MCTP1: variants seen among roughly 807,000 people sequenced by gnomAD.
MCTP1 encodes multiple C2 and transmembrane domain containing 1, also known as multiple C2 and transmembrane domain-containing protein 1.
A neutral mutation model predicts 120.6 loss-of-function variants in MCTP1; 69 were observed. The ratio of observed to expected loss-of-function variants is 0.57; its 90% confidence interval spans 0.47 to 0.70. The LOEUF is 0.70. Among genes scored for constraint, MCTP1 ranks in the 30% least tolerant of loss-of-function variants. The pLI, the probability that MCTP1 is intolerant of heterozygous loss-of-function variation, is 0.00. For missense variants in MCTP1, 1,203 were observed against 1,248.8 expected (o/e 0.96, Z 0.55); for synonymous variants, 529 against 493.1 (o/e 1.07, Z -0.96).
chr5:95,040,303 T>G (rs1842116410), intron 1 of MCTP1, among the ~76,000 whole-genome samples: 1 of 152,064 alleles, frequency 6.6e-6, no homozygotes, highest in African/African-American at 2.4e-5. Context: ...CCAGGCATGG[T>G]GGTTCACACT....
rs532779629 is a variant in MCTP1, at chr5:94,885,504, G to A, written c.1933+3375C>T. Among the ~76,000 whole-genome samples, 12 of 152,206 alleles carry A rather than the reference G, an allele frequency of 7.9e-5. No homozygotes were observed. The South Asian group carries it at 1.2e-3, about 16-fold the overall frequency. Reference sequence around the variant, plus strand: ...TCTGTTGAGGCAAAAATTAGGCCCTGCTCAAGGGAAAGAATAATCATAAGC... The same window carrying A: ...TCTGTTGAGGCAAAAATTAGGCCCTACTCAAGGGAAAGAATAATCATAAGC... On this transcript the variant is annotated intron_variant, in intron 12 of 22. Transcript: ENST00000515393.
intron 1 of MCTP1, among the ~76,000 whole-genome samples, chr5:95,135,622 T>A (rs1166154373): frequency 6.6e-6 from 1 of 152,202 alleles, no homozygotes; most frequent in African/African-American, 2.4e-5. Context: ...CCAGCCTACA[T>A]CTTTCTCCCG....
intron 1 of MCTP1, among the ~76,000 whole-genome samples, chr5:95,132,035 T>C (rs983618196): frequency 6.6e-6 from 1 of 152,242 alleles, no homozygotes; most frequent in Non-Finnish European, 1.5e-5. Flanking sequence ...ATAACCATCA[T>C]TTTTCAATGT....
chr5:95,120,700 C>T (rs1758158671), intron 1 of MCTP1, among the ~76,000 whole-genome samples: 1 of 152,022 alleles, frequency 6.6e-6, no homozygotes, highest in Non-Finnish European at 1.5e-5. Flanking sequence ...TAATAAAAGC[C>T]ATATACATCA....
At position 94,912,886 on chromosome 5, in the gene MCTP1, C is replaced by A; in HGVS notation, c.1441G>T (p.Asp481Tyr). 1.2e-6 allele frequency: 2 copies of A among 1,600,954 alleles called. No homozygotes were observed. The highest frequency in any genetic ancestry group is 1.7e-6 in the Non-Finnish European group (2 of 1,174,460). Residue 481 changes from aspartate to tyrosine, a missense_variant, in exon 9 of 23, where the codon GAC (aspartate) becomes TAC (tyrosine). Coordinates refer to ENST00000515393, the MANE Select transcript of MCTP1 (RefSeq NM_024717.7). ...IVSITLIEGR[D>Y]LKAMDSNGLS... ...CCGTTGGAATCCATGGCCTTGAGGT[C>A]TCTCCCTTCAATCAAGGTGATGCTG...
Position 95,153,496 on chromosome 5 carries a change from AAACTGTGCCCAG to A in MCTP1, c.720+130348_720+130359del, listed in dbSNP as rs1251987647. 2.0e-5 allele frequency among the ~76,000 whole-genome samples: 3 copies of A among 152,362 alleles called. No individual in the cohort carries two copies. In the East Asian group the frequency reaches 5.8e-4, roughly 29 times the overall value. ...AGGCCCAGCAGGCCAAACACACAATAAACTGTGCCCAGGACAGCAGCCTTAAGAACATGGTCC... is the reference window on the plus strand; with the variant it reads ...AGGCCCAGCAGGCCAAACACACAATAGACAGCAGCCTTAAGAACATGGTCC... On this transcript the variant is annotated intron_variant, in intron 1 of 22. Transcript: ENST00000515393.
chr5:94,942,671 G>A (rs186715121), intron 3 of MCTP1, among the ~76,000 whole-genome samples: 6 of 152,086 alleles, frequency 3.9e-5, no homozygotes, highest in African/African-American at 1.2e-4. Flanking sequence ...TAAGATAGAT[G>A]TAACATAATC....
chr5:94,963,560 T>G (rs186570853), intron 2 of MCTP1, among the ~76,000 whole-genome samples: 8 of 151,992 alleles, frequency 5.3e-5, no homozygotes, highest in Admixed American at 3.3e-4. Context: ...TGATGATTAC[T>G]GATGTTGAGG....
At chr5:94,875,262 G>T (rs1026293060) in intron 12 of MCTP1, among the ~76,000 whole-genome samples, 3 of 152,074 alleles carry the variant, frequency 2.0e-5, no homozygotes, top group African/African-American at 7.2e-5. Context: ...AAATGAAGGA[G>T]GTGAGTCTTG....
At chr5:94,935,624 ACAGGCATAAGAATAAACATG>A (rs1022507629) in intron 5 of MCTP1, among the ~76,000 whole-genome samples, 4 of 152,060 alleles carry the variant, frequency 2.6e-5, no homozygotes, top group African/African-American at 9.7e-5. Context: ...TTTTATCAAC[ACAGGCATAAGAATAAACATG>A]TGGTTTTTGA....
chr5:95,095,867 G>A (rs919788206), intron 1 of MCTP1, among the ~76,000 whole-genome samples: 4 of 152,104 alleles, frequency 2.6e-5, no homozygotes, highest in Admixed American at 6.5e-5. Flanking sequence ...AGGAGTAGGC[G>A]GTGACCGTGT....
intron 19 of MCTP1, among the ~76,000 whole-genome samples, chr5:94,766,433 A>T (rs1275758651): frequency 1.4e-5 from 2 of 143,652 alleles, no homozygotes; most frequent in East Asian, 4.0e-4. Context: ...ACAGAAAACC[A>T]AACACCACAT....
intron 17 of MCTP1, among the ~76,000 whole-genome samples, chr5:94,818,478 T>C (rs1742678418): frequency 6.6e-6 from 1 of 152,174 alleles, no homozygotes. Flanking sequence ...AGTTATTGAC[T>C]AAAAATTCTC....
intron 1 of MCTP1, among the ~76,000 whole-genome samples, chr5:95,170,792 G>A (rs947035351): frequency 5.9e-5 from 9 of 152,034 alleles, no homozygotes; most frequent in Non-Finnish European, 1.3e-4. Flanking sequence ...TTTATTTTGA[G>A]CCTATATGTG....
chr5:94,824,081 G>A (rs1330408386), intron 17 of MCTP1, among the ~76,000 whole-genome samples: 1 of 152,162 alleles, frequency 6.6e-6, no homozygotes, highest in Admixed American at 6.5e-5. Flanking sequence ...CCAATACTAT[G>A]TTGAATAGGA....
chr5:95,020,103 A>G (rs900121892), intron 1 of MCTP1, among the ~76,000 whole-genome samples: 3 of 152,062 alleles, frequency 2.0e-5, no homozygotes, highest in African/African-American at 7.2e-5. Context: ...GGAAAAGGAG[A>G]ATTTTCTACA....
intron 1 of MCTP1, among the ~76,000 whole-genome samples, chr5:95,143,527 T>C (rs1164224978): frequency 6.6e-6 from 1 of 152,076 alleles, no homozygotes; most frequent in African/African-American, 2.4e-5. Flanking sequence ...TAGTACCCAA[T>C]AGGCAGTTTT....
intron 2 of MCTP1, among the ~76,000 whole-genome samples, chr5:95,011,247 A>G (rs1835875925): frequency 6.6e-6 from 1 of 152,148 alleles, no homozygotes; most frequent in African/African-American, 2.4e-5. Flanking sequence ...TATTTTGCCT[A>G]CTATTGTTAC....
intron 2 of MCTP1, among the ~76,000 whole-genome samples, chr5:94,965,159 C>T (rs1825283094): frequency 6.6e-6 from 1 of 152,110 alleles, no homozygotes; most frequent in Admixed American, 6.5e-5. Context: ...TGCTCAGCTT[C>T]TGTTTGTCTG....
Sources: allele counts gnomAD v4.1 joint callset (sites outside exome capture counted in the v4.1 genomes callset), GRCh38; gene constraint gnomAD v4.1.1; transcripts MANE v1.5; gene names NCBI Gene and HGNC (gene_info 2026-07-23, HGNC 2026-07-21).